Variants in RFX2 observed in about 807,000 individuals in gnomAD.
RFX2 encodes the protein DNA-binding protein RFX2.
A neutral mutation model predicts 87.8 loss-of-function variants in RFX2; 20 were observed. That is an observed-to-expected ratio of 0.23 (90% CI 0.16 to 0.33). The LOEUF is 0.33. Ranked by LOEUF, RFX2 falls within the 10% of genes least tolerant of loss-of-function variation. The probability of loss-of-function intolerance (pLI) is 1.00; values close to 1 mark genes in which losing one functional copy is unlikely to be tolerated. For synonymous variants in RFX2, 397 were observed against 431.3 expected, an observed-to-expected ratio of 0.92 and a Z score of 0.98; for missense variants, 767 against 1,012.3, an observed-to-expected ratio of 0.76 and a Z score of 3.29.
intron 1 of RFX2, among the ~76,000 whole-genome samples, chr19:6,073,821 A>G (rs541927443): frequency 6.6e-6 from 1 of 152,308 alleles, no homozygotes; most frequent in East Asian, 1.9e-4. Context: ...AATTTGGGCT[A>G]AGCGCTCCTC....
intron 1 of RFX2, among the ~76,000 whole-genome samples, chr19:6,059,161 T>G (rs1366425336): frequency 6.6e-6 from 1 of 152,114 alleles, no homozygotes; most frequent in Admixed American, 6.6e-5. Context: ...TAATTTTTTG[T>G]AGAGACAGGG....
In RFX2 at chr19:6,026,180, C is replaced by T. The variant is rs772838904; in HGVS notation, c.580G>A (p.Gly194Ser). ...KSEGITSHKS[G>S]LLNSHLQWLL... is the part of the protein sequence containing the mutation. ...ACACTTACATGGCTGTTGAGTAAAC[C>T]GCTTTTGTGTGATGTGATTCCTTCG... The change falls in exon 6 of 18, where the codon GGT becomes AGT. Residue 194 changes from glycine (G) to serine (S), a missense_variant. By Grantham distance (56) the Gly-to-Ser change is moderately conservative (BLOSUM62 0). Around this residue, in one of 2 missense-constraint regions of RFX2, gnomAD observed 621 missense variants for 873.0 expected, o/e 0.71. Coordinates refer to ENST00000303657, the MANE Select transcript of RFX2 (RefSeq NM_000635.4). The surrounding 1 kb of genome is among the most constrained non-coding windows in gnomAD (Gnocchi z 4.5). 6.2e-6 allele frequency: 10 copies of T among 1,613,446 alleles called. No homozygotes were observed. Among genetic ancestry groups the T allele is most frequent in the African/African-American group, 5.3e-5 (4 of 74,768 alleles).
intron 1 of RFX2, among the ~76,000 whole-genome samples, chr19:6,075,272 T>A (rs1347143333): frequency 1.3e-5 from 2 of 149,178 alleles, no homozygotes; most frequent in African/African-American, 5.0e-5. Flanking sequence ...GAGGAGAAGG[T>A]GGAGGAGGAG....
At chr19:6,098,727 G>T (rs73549991) in intron 1 of RFX2, among the ~76,000 whole-genome samples, 1 of 152,064 alleles carries the variant, frequency 6.6e-6, no homozygotes, top group African/African-American at 2.4e-5. Flanking sequence ...CAGATCCAGT[G>T]GTAGCAGATC....
At position 6,026,543 on chromosome 19, in the gene RFX2, C is replaced by T. The variant is rs537203611; in HGVS notation, c.523-306G>A. 61 of 425,774 alleles carry T rather than the reference C, an allele frequency of 1.4e-4. No individual in the cohort carries two copies. The highest frequency in any genetic ancestry group is 1.0e-3 in the African/African-American group (50 of 48,916). 26.4% of individuals were successfully genotyped at this position (425,774 alleles called of 1,614,324 possible). A position where few individuals can be genotyped will look rare whatever the true frequency, so the allele number is the denominator to read the frequency against. Reference sequence around the variant, plus strand: ...TAACCTGGCATATGTGTGTGCACGCCGTAGCATTAATATGCAGCCACTGCA... The same window carrying T: ...TAACCTGGCATATGTGTGTGCACGCTGTAGCATTAATATGCAGCCACTGCA... On this transcript the variant is annotated intron_variant, in intron 5 of 17. Transcript: ENST00000303657. This position sits in a 1 kb window ranked among gnomAD's most constrained non-coding sequence, Gnocchi z 4.5.
At chr19:6,108,970 G>C (rs911562615) in intron 1 of RFX2, among the ~76,000 whole-genome samples, 1 of 151,932 alleles carries the variant, frequency 6.6e-6, no homozygotes, top group Non-Finnish European at 1.5e-5. Flanking sequence ...GAGGCTTCTC[G>C]GAGGGAGGAA....
In RFX2 at chr19:6,024,598, C is replaced by G. The variant is rs1318063159; in HGVS notation, c.597+1565G>C. 6.6e-6 allele frequency among the ~76,000 whole-genome samples: 1 copy of G among 152,246 alleles called. No individual in the cohort carries two copies. The highest frequency in any genetic ancestry group is 1.5e-5 in the Non-Finnish European group (1 of 68,042). ...GCAGGTGACCACACCTGTACCTAACCCATAACCCAGGTTTCTGGACCTGTC... is the reference window on the plus strand; with the variant it reads ...GCAGGTGACCACACCTGTACCTAACGCATAACCCAGGTTTCTGGACCTGTC... On this transcript the variant is annotated intron_variant, in intron 6 of 17. Coordinates refer to ENST00000303657, the MANE Select transcript of RFX2 (RefSeq NM_000635.4). This position sits in a 1 kb window ranked among gnomAD's most constrained non-coding sequence, Gnocchi z 5.0.
rs769664434 is a variant in RFX2 at position 6,012,418 on chromosome 19, G to A, written c.899+568C>T. On this transcript the variant is annotated intron_variant, in intron 8 of 17. Transcript: ENST00000303657. This position sits in a 1 kb window ranked among gnomAD's most constrained non-coding sequence, Gnocchi z 4.6. ...AGAGGTTGCTGCAGACTGGGGTGGG[G>A]AGGGAAAGCTGGGTAGGCAGAACAT... Among the ~76,000 whole-genome samples the A allele has an allele frequency of 6.6e-6, 1 of 152,226 alleles. No individual in the cohort carries two copies. The highest frequency in any genetic ancestry group is 1.5e-5 in the Non-Finnish European group (1 of 68,044).
rs951674836 is a variant in RFX2, at chr19:5,993,411, G to A, written c.*1424C>T. 2.0e-5 allele frequency: 3 copies of A among 152,234 alleles called. No homozygotes were observed. The highest frequency in any genetic ancestry group is 7.2e-5 in the African/African-American group (3 of 41,462). 9.4% of individuals were successfully genotyped at this position (152,234 alleles called of 1,614,324 possible). On this transcript the variant is annotated 3_prime_UTR_variant, in exon 18 of 18. Transcript: ENST00000303657. ...CACCCCTCACTCTGGCGCAGGCCCA[G>A]CGATGCTCTGAGCTCCTGCGGGCGG... is the stretch of plus-strand genomic sequence containing the variant.
rs1044063373 is a variant in RFX2 at position 6,001,070 on chromosome 19, G to A, written c.1859+745C>T. Among the ~76,000 whole-genome samples, 1 of 152,202 alleles carries A rather than the reference G, an allele frequency of 6.6e-6. No homozygotes were observed. Among genetic ancestry groups the A allele is most frequent in the Admixed American group, 6.5e-5 (1 of 15,280 alleles). On this transcript the variant is annotated intron_variant, in intron 15 of 17. Coordinates refer to ENST00000303657, the MANE Select transcript of RFX2 (RefSeq NM_000635.4). The surrounding 1 kb of genome is among the most constrained non-coding windows in gnomAD (Gnocchi z 5.6). ...TCTGCACAGGTTAGGTCTGTAGCTT[G>A]GAAATGATTTCCCTTCAGAGCTCTC...
intron 2 of RFX2, among the ~76,000 whole-genome samples, chr19:6,046,605 C>CTTTTTTTT (rs55854937): frequency 1.3e-4 from 12 of 90,586 alleles, no homozygotes; most frequent in South Asian, 3.8e-4. Context: ...GCCTTTTTGC[C>CTTTTTTTT]TTTTTTTTTT....
chr19:6,054,465 T>C (rs1391244414), intron 1 of RFX2, among the ~76,000 whole-genome samples: 1 of 152,172 alleles, frequency 6.6e-6, no homozygotes, highest in Non-Finnish European at 1.5e-5. Context: ...CTTATGCACA[T>C]ATATGCAAAA....
At chr19:6,038,092 C>T (rs1021267686) in intron 5 of RFX2, among the ~76,000 whole-genome samples, 2 of 151,860 alleles carry the variant, frequency 1.3e-5, no homozygotes, top group East Asian at 1.9e-4. Flanking sequence ...TTTGGGAGGC[C>T]GAGGTGAGCA....
At chr19:6,081,035 C>CA (rs537462734) in intron 1 of RFX2, among the ~76,000 whole-genome samples, 1,698 of 89,526 alleles carry the variant, frequency 0.019, 15 homozygotes, top group Middle Eastern at 0.041. Context: ...GACTCCATCT[C>CA]AAAAAAAAAA....
intron 15 of RFX2, among the ~76,000 whole-genome samples, chr19:6,000,558 C>T (rs984188060): frequency 3.3e-5 from 5 of 152,140 alleles, no homozygotes; most frequent in African/African-American, 1.2e-4. Context: ...ACAGATGTTT[C>T]CTGTGCTGTT....
At chr19:6,009,530 C>T (rs2086633667) in intron 9 of RFX2, among the ~76,000 whole-genome samples, 1 of 152,172 alleles carries the variant, frequency 6.6e-6, no homozygotes, top group Admixed American at 6.5e-5. Context: ...GCCCAGATAG[C>T]AGGCAAATCC....
chr19:6,017,314 A>T lies in RFX2; in HGVS notation c.598-1043T>A, dbSNP rs1343690106. Among the ~76,000 whole-genome samples the T allele has an allele frequency of 6.6e-6, 1 of 152,230 alleles. No individual in the cohort carries two copies. Among genetic ancestry groups the T allele is most frequent in the Non-Finnish European group, 1.5e-5 (1 of 68,054 alleles). On this transcript the variant is annotated intron_variant, in intron 6 of 17. Transcript: ENST00000303657. The surrounding 1 kb of genome is among the most constrained non-coding windows in gnomAD (Gnocchi z 4.1). ...TGCCTCGAGAGGTGAACATCCAGTT[A>T]GAAGGGCTGCGAGAACTGTCCACAC...
intron 5 of RFX2, among the ~76,000 whole-genome samples, chr19:6,032,400 G>T (rs775202353): frequency 2.0e-5 from 3 of 152,190 alleles, no homozygotes; most frequent in African/African-American, 4.8e-5. Context: ...AAAGTGCTGG[G>T]ATTACAGGCG....
Position 6,033,615 on chromosome 19 carries a change from C to CAAAA in RFX2, c.522+6361_522+6364dup, listed in dbSNP as rs34581899. ...AACCTGGGTACTTTTCCCACCTTTGCAAAAAAAAAAAAAAAAAAAAACCCT... is the reference window on the plus strand; with the variant it reads ...AACCTGGGTACTTTTCCCACCTTTGCAAAAAAAAAAAAAAAAAAAAAAAAACCCT... On this transcript the variant is annotated intron_variant, in intron 5 of 17. Coordinates refer to ENST00000303657, the MANE Select transcript of RFX2 (RefSeq NM_000635.4). Among the ~76,000 whole-genome samples, 87 of 60,312 alleles carry CAAAA rather than the reference C, an allele frequency of 1.4e-3. 1 individual carries two copies. The highest frequency in any genetic ancestry group is 3.0e-3 in the African/African-American group (51 of 17,268). 39.6% of individuals were successfully genotyped at this position (60,312 alleles called of 152,430 possible).
Sources: allele counts gnomAD v4.1 joint callset (sites outside exome capture counted in the v4.1 genomes callset), GRCh38; gene constraint gnomAD v4.1.1; regional missense constraint gnomAD v4.1.1; non-coding constraint Gnocchi (gnomAD v3.1); transcripts MANE v1.5; gene names NCBI Gene and HGNC (gene_info 2026-07-23, HGNC 2026-07-21).